The following ANKRD30BL variants were observed in gnomAD, a reference collection of about 807,000 sequenced individuals.
The protein encoded by ANKRD30BL is putative ankyrin repeat domain-containing protein 30B-like.
In ANKRD30BL, 20 loss-of-function variants were observed where a neutral mutation model predicts 18.4. The observed-to-expected ratio is 1.09, with a 90% CI of 0.77 to 1.58. The LOEUF (loss-of-function observed/expected upper bound fraction) is 1.58, where lower values mean the gene tolerates loss of function less well. Ranked by LOEUF, ANKRD30BL falls within the 40% of genes most tolerant of loss-of-function variation. The pLI, the probability that ANKRD30BL is intolerant of heterozygous loss-of-function variation, is 0.00. For synonymous variants in ANKRD30BL, 72 were observed against 100.9 expected (o/e 0.71, Z 1.72); for missense variants, 224 against 268.6 (o/e 0.83, Z 1.16).
At chr2:132,194,627 T>A (rs1678927019) in intron 1 of ANKRD30BL, among the ~76,000 whole-genome samples, 1 of 152,240 alleles carries the variant, frequency 6.6e-6, no homozygotes, top group Non-Finnish European at 1.5e-5. Context: ...TCTTTCCCTC[T>A]ACAGGTGTAA....
At chr2:132,189,375 G>A (rs1395236630) in intron 1 of ANKRD30BL, among the ~76,000 whole-genome samples, 3 of 152,124 alleles carry the variant, frequency 2.0e-5, no homozygotes, top group Non-Finnish European at 4.4e-5. Flanking sequence ...ATGACACAGA[G>A]ATTTTATTCA....
At chr2:132,156,062 A>G (rs1318916850) in intron 3 of ANKRD30BL, 1 of 152,062 alleles carries the variant, frequency 6.6e-6, no homozygotes, top group Non-Finnish European at 1.5e-5. Context: ...TTGGCAAAAT[A>G]TCAGAAGTAT....
At chr2:132,199,297 T>C (rs1421557669) in intron 1 of ANKRD30BL, among the ~76,000 whole-genome samples, 1 of 151,898 alleles carries the variant, frequency 6.6e-6, no homozygotes, top group Admixed American at 6.6e-5. Flanking sequence ...GAGGCATAGG[T>C]TGCAATGAGC....
chr2:132,230,628 T>G (rs901347869), intron 1 of ANKRD30BL, among the ~76,000 whole-genome samples: 3 of 151,990 alleles, frequency 2.0e-5, no homozygotes, highest in African/African-American at 7.2e-5. Flanking sequence ...GAGGCCTTCA[T>G]TGGAAACGGG....
intron 1 of ANKRD30BL, among the ~76,000 whole-genome samples, chr2:132,255,309 A>C (rs148099085): frequency 6.6e-6 from 1 of 152,044 alleles, no homozygotes; most frequent in Admixed American, 6.6e-5. Flanking sequence ...CTCAGTTCCG[A>C]AAACCAACAA....
At chr2:132,254,272 C>A (rs538917986) in intron 1 of ANKRD30BL, among the ~76,000 whole-genome samples, 23 of 152,296 alleles carry the variant, frequency 1.5e-4, no homozygotes, top group Admixed American at 3.9e-4. Context: ...TCCGCCCATG[C>A]ATGCGCCACA....
rs573423700 is a variant in ANKRD30BL at position 132,189,259 on chromosome 2, A to G, written n.442-32113T>C. Among the ~76,000 whole-genome samples, 6 of 152,336 alleles carry G rather than the reference A, an allele frequency of 3.9e-5. No individual in the cohort carries two copies. The East Asian group carries it at 1.2e-3, about 29-fold the overall frequency. ...ATAAGTAAGAAAACCATAAGCAGAC[A>G]TAGTCAACATACTAGGTAAGTAAAA... On this transcript the variant is annotated intron_variant and non_coding_transcript_variant, in intron 1 of 4. Coordinates refer to the ANKRD30BL transcript ENST00000470729.
chr2:132,214,724 A>G (rs1394353700), intron 1 of ANKRD30BL, among the ~76,000 whole-genome samples: 3 of 151,570 alleles, frequency 2.0e-5, no homozygotes, highest in African/African-American at 4.9e-5. Flanking sequence ...CGATGTGTGC[A>G]TTCATCTCAC....
intron 1 of ANKRD30BL, among the ~76,000 whole-genome samples, chr2:132,179,791 T>A (rs1294815335): frequency 4.6e-5 from 7 of 152,122 alleles, no homozygotes; most frequent in Non-Finnish European, 7.4e-5. Context: ...ATGTTGATGA[T>A]CCTGACCCTG....
At chr2:132,183,137 CTTT>C (rs144303092) in intron 1 of ANKRD30BL, among the ~76,000 whole-genome samples, 3 of 140,220 alleles carry the variant, frequency 2.1e-5, no homozygotes, top group Non-Finnish European at 3.1e-5. Flanking sequence ...GACAAAGTAG[CTTT>C]TTTTTTTTTT....
upstream of ANKRD30BL, among the ~76,000 whole-genome samples, chr2:132,165,756 T>C (rs1002967556): frequency 2.0e-5 from 3 of 149,156 alleles, no homozygotes; most frequent in Admixed American, 6.7e-5. Context: ...TGCTATATTA[T>C]ATGTAAGACT....
At chr2:132,205,299 G>A (rs1217874690) in intron 1 of ANKRD30BL, among the ~76,000 whole-genome samples, 1 of 151,912 alleles carries the variant, frequency 6.6e-6, no homozygotes, top group Non-Finnish European at 1.5e-5. Flanking sequence ...AAAAAACTAG[G>A]CAGCAAGGAG....
rs574008285 is a variant in ANKRD30BL, at chr2:132,221,609, C to T, written n.441+35920G>A. ...GGAGGGAGGTGGGGGGATCAGCCCCCCGCCCGGCCAGCCGCCCAGTCCGGG... is the reference window on the plus strand; with the variant it reads ...GGAGGGAGGTGGGGGGATCAGCCCCTCGCCCGGCCAGCCGCCCAGTCCGGG... On this transcript the variant is annotated intron_variant and non_coding_transcript_variant, in intron 1 of 4. Transcript: ENST00000470729. Among the ~76,000 whole-genome samples the T allele has an allele frequency of 9.9e-5, 13 of 131,592 alleles. 1 individual carries two copies. Among genetic ancestry groups the T allele is most frequent in the African/African-American group, 3.9e-4 (12 of 30,426 alleles). The allele number at this position is 131,592 out of a possible 152,430, so 86.3% of individuals were successfully genotyped here. A position where few individuals can be genotyped will look rare whatever the true frequency, so the allele number is the denominator to read the frequency against.
At position 132,221,901 on chromosome 2, in the gene ANKRD30BL, C is replaced by T. The variant is rs1386261293; in HGVS notation, n.441+35628G>A. 3.8e-3 allele frequency among the ~76,000 whole-genome samples: 415 copies of T among 110,184 alleles called. 29 individuals carry two copies. The highest frequency in any genetic ancestry group is 0.02 in the African/African-American group (372 of 18,356). The allele number at this position is 110,184 out of a possible 152,430, so 72.3% of individuals were successfully genotyped here. A position where few individuals can be genotyped will look rare whatever the true frequency, so the allele number is the denominator to read the frequency against. ...CAGCCCCCTGCCCAGCCAGCCGCCC[C>T]GTCTGGGAGGGAGGTGGGGGGATCA... On this transcript the variant is annotated intron_variant and non_coding_transcript_variant, in intron 1 of 4. Transcript: ENST00000470729.
chr2:132,256,103 A>G (rs1030630133), intron 1 of ANKRD30BL, among the ~76,000 whole-genome samples: 19 of 152,262 alleles, frequency 1.2e-4, no homozygotes, highest in Non-Finnish European at 1.5e-5. Flanking sequence ...TTAATGAGCC[A>G]TTCGCAGTTT....
intron 1 of ANKRD30BL, among the ~76,000 whole-genome samples, chr2:132,158,755 C>T (rs1179571253): frequency 1.3e-5 from 2 of 149,974 alleles, no homozygotes; most frequent in African/African-American, 4.9e-5. Context: ...AATAAAACTA[C>T]ACTAATTAAT....
At chr2:132,186,430 T>G (rs1688561392) in intron 1 of ANKRD30BL, among the ~76,000 whole-genome samples, 1 of 152,222 alleles carries the variant, frequency 6.6e-6, no homozygotes, top group African/African-American at 2.4e-5. Context: ...ATTGTCAAGT[T>G]GTTTAATTTC....
At chr2:132,179,358 G>A (rs897562971) in intron 1 of ANKRD30BL, among the ~76,000 whole-genome samples, 11 of 150,132 alleles carry the variant, frequency 7.3e-5, no homozygotes, top group African/African-American at 2.5e-4. Flanking sequence ...GTGTGATATC[G>A]GCTCACTGCA....
At chr2:132,152,299 A>G (rs1361162129) in intron 4 of ANKRD30BL, 2 of 152,190 alleles carry the variant, frequency 1.3e-5, no homozygotes, top group African/African-American at 4.8e-5. Flanking sequence ...GACCATGCTG[A>G]TCTTCTCAAC....
Sources: allele counts gnomAD v4.1 joint callset (sites outside exome capture counted in the v4.1 genomes callset), GRCh38; gene constraint gnomAD v4.1.1; transcripts MANE v1.5; gene names NCBI Gene and HGNC (gene_info 2026-07-23, HGNC 2026-07-21).